The following EFL1 variants were observed in gnomAD, a reference collection of about 807,000 sequenced individuals.
The protein encoded by EFL1 is elongation factor-like GTPase 1.
A neutral mutation model predicts 126.7 loss-of-function variants in EFL1; 76 were observed. That is an observed-to-expected ratio of 0.60 (90% confidence interval 0.50 to 0.73). The LOEUF (loss-of-function observed/expected upper bound fraction) is 0.73, where lower values mean the gene tolerates loss of function less well. EFL1 is among the 30% of genes least tolerant of loss of function. The pLI is 0.00. For synonymous variants in EFL1, 410 were observed against 448.4 expected (o/e 0.91, Z 1.08); for missense variants, 1,128 against 1,343.2 (o/e 0.84, Z 2.50).
At chr15:82,227,198 C>A (rs8030250) in intron 11 of EFL1, among the ~76,000 whole-genome samples, 1 of 151,890 alleles carries the variant, frequency 6.6e-6, no homozygotes, top group African/African-American at 2.4e-5. Context: ...TCTTTTCTCA[C>A]GAGGAGCATG....
intron 7 of EFL1, among the ~76,000 whole-genome samples, chr15:82,233,032 A>G (rs1266709867): frequency 6.6e-6 from 1 of 152,126 alleles, no homozygotes; most frequent in Non-Finnish European, 1.5e-5. Context: ...TTTATAAATA[A>G]ACACTCTAAA....
chr15:82,166,964 C>T (rs1012222805), intron 15 of EFL1, among the ~76,000 whole-genome samples: 7 of 152,174 alleles, frequency 4.6e-5, no homozygotes. Context: ...ATGTTCCCTC[C>T]GGGTAATCAT....
intron 15 of EFL1, among the ~76,000 whole-genome samples, chr15:82,186,465 C>G (rs1453699943): frequency 6.6e-6 from 1 of 152,214 alleles, no homozygotes; most frequent in Non-Finnish European, 1.5e-5. Context: ...CAGTTAAACA[C>G]TCTCTCACAA....
chr15:82,195,793 T>C (rs2074402051), intron 15 of EFL1, among the ~76,000 whole-genome samples: 1 of 152,162 alleles, frequency 6.6e-6, no homozygotes, highest in South Asian at 2.1e-4. Flanking sequence ...ACATGCATCC[T>C]AGTAAAGTGC....
chr15:82,178,818 G>C (rs1452666818), intron 15 of EFL1, among the ~76,000 whole-genome samples: 1 of 151,982 alleles, frequency 6.6e-6, no homozygotes, highest in Non-Finnish European at 1.5e-5. Context: ...GCTAATCCTT[G>C]GTACTTAACT....
intron 15 of EFL1, among the ~76,000 whole-genome samples, chr15:82,210,454 C>A (rs1211317949): frequency 6.6e-6 from 1 of 152,178 alleles, no homozygotes; most frequent in South Asian, 2.1e-4. Flanking sequence ...TATGGAAAGG[C>A]CTTAGTTCTA....
At chr15:82,194,032 G>A (rs1316629935) in intron 15 of EFL1, among the ~76,000 whole-genome samples, 1 of 152,126 alleles carries the variant, frequency 6.6e-6, no homozygotes, top group East Asian at 1.9e-4. Flanking sequence ...CTTAGCAGTA[G>A]TGTAATCTTA....
chr15:82,151,602 G>C lies in EFL1; in HGVS notation c.2852C>G (p.Thr951Ser). Residue 951 changes from threonine (T) to serine (S), a missense_variant, in exon 18 of 20, where the codon ACT becomes AGT. By Grantham distance (58) the Thr-to-Ser change is moderately conservative (BLOSUM62 1). Coordinates refer to ENST00000268206, the MANE Select transcript of EFL1 (RefSeq NM_024580.6). Reference protein sequence around the residue: ...RTSQKGESPLTDCYGPFSGQL... With the variant: ...RTSQKGESPLSDCYGPFSGQL... The stretch of plus-strand genomic sequence containing the variant: ...TCCTGAGAAAGGTCCATAGCAGTCA[G>C]TGAGTGGAGATTCTCCTTTCTGTGA... 6.2e-7 allele frequency: 1 copy of C among 1,614,188 alleles called. No homozygotes were observed. The highest frequency in any genetic ancestry group is 8.5e-7 in the Non-Finnish European group (1 of 1,180,026).
intron 6 of EFL1, among the ~76,000 whole-genome samples, chr15:82,239,028 A>G (rs137908870): frequency 3.9e-5 from 6 of 152,142 alleles, no homozygotes; most frequent in East Asian, 1.9e-4. Flanking sequence ...CCTATTACTC[A>G]GATTTCCTTC....
chr15:82,245,925 T>G (rs1414607272), intron 4 of EFL1, among the ~76,000 whole-genome samples: 1 of 145,732 alleles, frequency 6.9e-6, no homozygotes, highest in Non-Finnish European at 1.5e-5. Flanking sequence ...AGAATGAGAC[T>G]CTTGTCTTAA....
chr15:82,209,324 C>G (rs1335076134), intron 15 of EFL1, among the ~76,000 whole-genome samples: 1 of 69,614 alleles, frequency 1.4e-5, no homozygotes, highest in Non-Finnish European at 3.2e-5. Flanking sequence ...CAGACACACA[C>G]ACACACACAC....
At chr15:82,221,534 T>G (rs1240149984) in intron 12 of EFL1, among the ~76,000 whole-genome samples, 1 of 152,174 alleles carries the variant, frequency 6.6e-6, no homozygotes, top group African/African-American at 2.4e-5. Flanking sequence ...AGTCCTAGTA[T>G]CCAGGACTAG....
At chr15:82,174,522 A>G (rs960083466) in intron 15 of EFL1, 4 of 152,218 alleles carry the variant, frequency 2.6e-5, no homozygotes, top group African/African-American at 9.6e-5. Flanking sequence ...TAAATGGATT[A>G]CATTTGCATT....
Position 82,220,246 on chromosome 15 carries a change from A to C in EFL1, c.1293-17T>G. ...GTGAGAGGCCTACAGGATATCACAA[A>C]TATGCTGTCATCTCTCAGTTCATCC... On this transcript the variant is annotated splice_polypyrimidine_tract_variant and intron_variant, in intron 12 of 19. Transcript: ENST00000268206. 1 of 1,566,650 alleles carries C rather than the reference A, an allele frequency of 6.4e-7. No individual in the cohort carries two copies. The highest frequency in any genetic ancestry group is 2.3e-5 in the East Asian group (1 of 43,164).
Position 82,198,126 on chromosome 15 carries a change from C to A in EFL1, c.1750+16591G>T, listed in dbSNP as rs547565113. Among the ~76,000 whole-genome samples the A allele has an allele frequency of 3.0e-4, 46 of 152,258 alleles. No homozygotes were observed. The South Asian group carries it at 6.7e-3, about 22-fold the overall frequency. Reference sequence around the variant, plus strand: ...TGGACAGAGCACAGGCTCATGCATGCGCTGACATTGAAATTGCACTCTGTT... The same window carrying A: ...TGGACAGAGCACAGGCTCATGCATGAGCTGACATTGAAATTGCACTCTGTT... On this transcript the variant is annotated intron_variant, in intron 15 of 19. Transcript: ENST00000268206.
intron 18 of EFL1, 40 bp from the exon 19 acceptor site, chr15:82,138,882 T>C (rs2073754941): frequency 6.3e-7 from 1 of 1,584,034 alleles, no homozygotes; most frequent in South Asian, 1.1e-5. Context: ...GGATCAATCA[T>C]ATGGCTTGAG....
intron 18 of EFL1, among the ~76,000 whole-genome samples, chr15:82,144,199 T>C (rs1595938898): frequency 6.6e-6 from 1 of 150,718 alleles, no homozygotes; most frequent in African/African-American, 2.4e-5. Context: ...GCTGTGGCAG[T>C]GAGTCATGTT....
At chr15:82,216,076 T>G (rs2074642898) in intron 14 of EFL1, among the ~76,000 whole-genome samples, 1 of 152,172 alleles carries the variant, frequency 6.6e-6, no homozygotes, top group African/African-American at 2.4e-5. Context: ...ATTATACTTC[T>G]ATAATTAGGA....
chr15:82,231,912 C>T (rs2074826289), intron 7 of EFL1, among the ~76,000 whole-genome samples: 1 of 152,176 alleles, frequency 6.6e-6, no homozygotes, highest in African/African-American at 2.4e-5. Flanking sequence ...TCTGTGGATC[C>T]CTAAAAAGAT....
Sources: allele counts gnomAD v4.1 joint callset (sites outside exome capture counted in the v4.1 genomes callset), GRCh38; gene constraint gnomAD v4.1.1; transcripts MANE v1.5; gene names NCBI Gene and HGNC (gene_info 2026-07-23, HGNC 2026-07-21).